Variants in JAM3 observed in about 807,000 individuals in gnomAD.
The protein encoded by JAM3 is junctional adhesion molecule C.
Under a neutral mutation model 39.4 loss-of-function variants are expected in JAM3, and 31 were observed. The observed-to-expected ratio is 0.79, with a 90% CI of 0.59 to 1.06. The LOEUF (loss-of-function observed/expected upper bound fraction) is 1.06, where lower values mean the gene tolerates loss of function less well. Among genes scored for constraint, JAM3 ranks in the 50% least tolerant of loss-of-function variants. The pLI, the probability that JAM3 is intolerant of heterozygous loss-of-function variation, is 0.00. For synonymous variants in JAM3, 182 were observed against 148.7 expected (o/e 1.22, Z -1.63); for missense variants, 455 against 391.4 (o/e 1.16, Z -1.37).
intron 6 of JAM3, among the ~76,000 whole-genome samples, chr11:134,147,163 C>G (rs535488470): frequency 1.2e-4 from 19 of 152,136 alleles, no homozygotes; most frequent in African/African-American, 3.6e-4. Context: ...ATTTTAACAT[C>G]AAAATTGCAT....
At chr11:134,145,629 G>C (rs542513263) in intron 5 of JAM3, among the ~76,000 whole-genome samples, 2 of 152,150 alleles carry the variant, frequency 1.3e-5, no homozygotes, top group African/African-American at 4.8e-5. Context: ...TTTTAACAGG[G>C]TCCTCTGTGT....
intron 1 of JAM3, among the ~76,000 whole-genome samples, chr11:134,133,076 TG>T (rs1266411651): frequency 6.6e-6 from 1 of 152,230 alleles, no homozygotes; most frequent in Non-Finnish European, 1.5e-5. Flanking sequence ...GTTGTCAAGA[TG>T]GATGAGGGTT....
intron 1 of JAM3, among the ~76,000 whole-genome samples, chr11:134,074,248 T>C (rs959022474): frequency 4.6e-5 from 7 of 152,240 alleles, no homozygotes; most frequent in African/African-American, 1.7e-4. Flanking sequence ...TTTCTTTGTT[T>C]TTGTTTTCCT....
At chr11:134,105,814 G>T (rs1216394497) in intron 1 of JAM3, among the ~76,000 whole-genome samples, 2 of 152,158 alleles carry the variant, frequency 1.3e-5, no homozygotes, top group Non-Finnish European at 2.9e-5. Context: ...CCTCTTCAAG[G>T]AGAACTAGAA....
At chr11:134,145,924 T>A in intron 5 of JAM3, 22 bp from the exon 6 acceptor site, 1 of 1,552,720 alleles carries the variant, frequency 6.4e-7, no homozygotes, top group East Asian at 2.2e-5. Context: ...TCCGATTATT[T>A]ACTTGTCATT....
chr11:134,149,508 T>TG lies in JAM3; in HGVS notation c.*328dup. ...AAGAGTTTGCTCACGTAAACGCCCG[T>TG]GCTGGGCCCTGTGAAGCCAGCATGT... On this transcript the variant is annotated 3_prime_UTR_variant, in exon 9 of 9. Transcript: ENST00000299106. 1.9e-6 allele frequency: 1 copy of TG among 514,654 alleles called. No individual in the cohort carries two copies. Among genetic ancestry groups the TG allele is most frequent in the South Asian group, 1.6e-5 (1 of 60,758 alleles). 31.9% of individuals were successfully genotyped at this position (514,654 alleles called of 1,614,324 possible).
At chr11:134,134,396 G>A in intron 1 of JAM3, among the ~76,000 whole-genome samples, 5 of 12,278 alleles carry the variant, frequency 4.1e-4, no homozygotes, top group South Asian at 3.6e-3. Flanking sequence ...CAGGATAAAT[G>A]CCAAAAAAAA....
chr11:134,081,743 T>C (rs1941669083), intron 1 of JAM3, among the ~76,000 whole-genome samples: 1 of 152,134 alleles, frequency 6.6e-6, no homozygotes, highest in Admixed American at 6.5e-5. Context: ...CCTACTGGGG[T>C]ACTGCCTAGT....
chr11:134,112,544 CACAT>C (rs1405213409), intron 1 of JAM3, among the ~76,000 whole-genome samples: 1 of 152,160 alleles, frequency 6.6e-6, no homozygotes, highest in African/African-American at 2.4e-5. Flanking sequence ...ATGACACACA[CACAT>C]ATTTTGCTAA....
rs10665918 is a variant in JAM3, at chr11:134,151,844, TATCA to T, written c.*2668_*2671del. On this transcript the variant is annotated 3_prime_UTR_variant, in exon 9 of 9. Coordinates refer to ENST00000299106, the MANE Select transcript of JAM3 (RefSeq NM_032801.5). ...GGTTAGGCATGCACACTAAAAATGC[TATCA>T]ATCACCCATCCACCAGGGAAGTCAG... 4.6e-5 allele frequency: 7 copies of T among 151,798 alleles called. No homozygotes were observed. Among genetic ancestry groups the T allele is most frequent in the African/African-American group, 1.7e-4 (7 of 41,394 alleles). 9.4% of individuals were successfully genotyped at this position (151,798 alleles called of 1,614,324 possible).
intron 1 of JAM3, among the ~76,000 whole-genome samples, chr11:134,106,557 C>G (rs1040786803): frequency 9.2e-5 from 14 of 152,112 alleles, no homozygotes; most frequent in Non-Finnish European, 1.8e-4. Flanking sequence ...GAACAGGCAA[C>G]CTACAGAATG....
At chr11:134,093,071 C>T (rs916505827) in intron 1 of JAM3, among the ~76,000 whole-genome samples, 6 of 114,592 alleles carry the variant, frequency 5.2e-5, no homozygotes, top group Non-Finnish European at 1.1e-4. Flanking sequence ...CACCTTACAT[C>T]TTATTCGTCA....
intron 1 of JAM3, among the ~76,000 whole-genome samples, chr11:134,087,559 A>T (rs1290419274): frequency 6.6e-6 from 1 of 152,182 alleles, no homozygotes; most frequent in African/African-American, 2.4e-5. Flanking sequence ...ACACCTAGCT[A>T]TATAAGGTAC....
chr11:134,143,961 T>A (rs1267252365), intron 3 of JAM3, among the ~76,000 whole-genome samples: 2 of 152,126 alleles, frequency 1.3e-5, no homozygotes, highest in East Asian at 3.8e-4. Context: ...TTCCTGGAAA[T>A]GAGGAGGAGG....
chr11:134,121,829 A>G lies in JAM3; in HGVS notation c.77-18022A>G, dbSNP rs921436324. Among the ~76,000 whole-genome samples the G allele has an allele frequency of 3.6e-4, 55 of 151,926 alleles. No homozygotes were observed. The East Asian group carries it at 6.2e-3, about 17-fold the overall frequency. On this transcript the variant is annotated intron_variant, in intron 1 of 8. Transcript: ENST00000299106. ...ACTGCGTGCATGTGTGCGCACACACACACACACACACACACACACACACCC... is the reference window on the plus strand; with the variant it reads ...ACTGCGTGCATGTGTGCGCACACACGCACACACACACACACACACACACCC...
intron 1 of JAM3, among the ~76,000 whole-genome samples, chr11:134,121,392 C>A (rs1942529466): frequency 6.6e-6 from 1 of 151,202 alleles, no homozygotes; most frequent in Admixed American, 6.6e-5. Flanking sequence ...GCCGTGTGAG[C>A]TAGGAAGGCC....
intron 1 of JAM3, among the ~76,000 whole-genome samples, chr11:134,074,214 TG>T (rs1941528211): frequency 6.6e-6 from 1 of 152,182 alleles, no homozygotes; most frequent in African/African-American, 2.4e-5. Flanking sequence ...TGAGTGGAAG[TG>T]TTACAGCAAA....
chr11:134,122,177 G>A (rs748117554), intron 1 of JAM3, among the ~76,000 whole-genome samples: 1 of 152,118 alleles, frequency 6.6e-6, no homozygotes, highest in Non-Finnish European at 1.5e-5. Context: ...TCACATAGCC[G>A]GCCAACATTT....
intron 1 of JAM3, among the ~76,000 whole-genome samples, chr11:134,138,975 C>T (rs1165534193): frequency 1.3e-5 from 2 of 152,176 alleles, no homozygotes; most frequent in African/African-American, 4.8e-5. Flanking sequence ...TAGCGGTTAT[C>T]ATAAGCCAGG....
Sources: gnomAD v4.1 joint callset for allele counts (sites outside exome capture counted in the v4.1 genomes callset) on GRCh38, gnomAD v4.1.1 for gene constraint, MANE v1.5 for transcripts, NCBI Gene and HGNC (gene_info 2026-07-23, HGNC 2026-07-21) for gene names.